Variants in NPNT observed in about 807,000 individuals in gnomAD.
The protein encoded by NPNT is nephronectin, also known as preosteoblast EGF-like repeat protein with MAM domain.
In NPNT, 45 loss-of-function variants were observed where a neutral mutation model predicts 68.6. That is an observed-to-expected ratio of 0.66 (90% CI 0.52 to 0.84). The LOEUF is 0.84. Ranked by LOEUF, NPNT falls within the 40% of genes least tolerant of loss-of-function variation. The pLI, the probability that NPNT is intolerant of heterozygous loss-of-function variation, is 0.00. For synonymous variants in NPNT, 233 were observed against 253.3 expected (o/e 0.92, Z 0.76); for missense variants, 672 against 714.8 (o/e 0.94, Z 0.68).
chr4:105,931,164 G>GA (rs975295248), intron 3 of NPNT, among the ~76,000 whole-genome samples: 1 of 151,316 alleles, frequency 6.6e-6, no homozygotes, highest in African/African-American at 2.4e-5. Context: ...CCCCCAGCCA[G>GA]AAAAAAAATA....
intron 11 of NPNT, 73 bp downstream of exon 11, chr4:105,967,517 G>GAAGAAGCCTTGCTGTGTGAATTC: frequency 7.0e-7 from 1 of 1,427,994 alleles, no homozygotes; most frequent in Non-Finnish European, 9.4e-7. Flanking sequence ...ATCTGAATTT[G>GAAGAAGCCTTGCTGTGTGAATTC]AAGAAGCCTT....
At chr4:105,912,124 C>A in intron 2 of NPNT, 1 of 1,146,188 alleles carries the variant, frequency 8.7e-7, no homozygotes. Flanking sequence ...TGATAAATAC[C>A]CAAGTCCAGC....
chr4:105,940,565 G>A lies in NPNT; in HGVS notation c.692G>A (p.Cys231Tyr), dbSNP rs1729863407. The part of the protein sequence containing the change: ...GQYQCSSFAR[C>Y]YNIRGSYKCK... The stretch of plus-strand genomic sequence containing the variant: ...TATCAGTGCAGCAGCTTTGCTCGAT[G>A]TTATAACATACGTGGGTCCTACAAG... The change falls in exon 7 of 12, where the codon TGT becomes TAT. Residue 231 changes from cysteine to tyrosine, a missense_variant. Physicochemically the swap from Cys to Tyr is radical, Grantham distance 194. Transcript: ENST00000379987. The A allele has an allele frequency of 6.2e-7, 1 of 1,612,950 alleles. No individual in the cohort carries two copies. Among genetic ancestry groups the A allele is most frequent in the Non-Finnish European group, 8.5e-7 (1 of 1,179,174 alleles).
intron 8 of NPNT, among the ~76,000 whole-genome samples, chr4:105,953,774 A>T (rs1185012013): frequency 6.6e-6 from 1 of 152,252 alleles, no homozygotes; most frequent in Non-Finnish European, 1.5e-5. Flanking sequence ...ACTCCTAAGC[A>T]TAGAAGTAAT....
chr4:105,905,860 G>A (rs1004644371), intron 2 of NPNT, among the ~76,000 whole-genome samples: 18 of 152,176 alleles, frequency 1.2e-4, no homozygotes, highest in African/African-American at 3.9e-4. Flanking sequence ...AATCTGTAAT[G>A]TAAAGGAGAG....
chr4:105,914,406 A>G (rs1190717119), intron 2 of NPNT, among the ~76,000 whole-genome samples: 2 of 138,508 alleles, frequency 1.4e-5, no homozygotes, highest in East Asian at 2.0e-4. Context: ...AATATAATAT[A>G]TATTATATAT....
rs139317707 is a variant in NPNT, at chr4:105,942,459, A to G, written c.916A>G (p.Ile306Val). Reference sequence around the variant, plus strand: ...GAAGACACCATATATTCCTCCTATCATTACCAACAGGCCTACTTCTAAGCC... The same window carrying G: ...GAAGACACCATATATTCCTCCTATCGTTACCAACAGGCCTACTTCTAAGCC... ...PPKTPYIPPI[I>V]TNRPTSKPTT... The change falls in exon 8 of 12, where the codon ATT (isoleucine) becomes GTT (valine). Residue 306 changes from isoleucine to valine, a missense_variant. Coordinates refer to ENST00000379987, the MANE Select transcript of NPNT (RefSeq NM_001033047.3). 1.9e-4 allele frequency: 308 copies of G among 1,613,982 alleles called. No homozygotes were observed. The African/African-American group carries it at 3.5e-3, about 18-fold the overall frequency.
At chr4:105,929,077 C>T (rs1728911778) in intron 3 of NPNT, among the ~76,000 whole-genome samples, 1 of 151,978 alleles carries the variant, frequency 6.6e-6, no homozygotes, top group African/African-American at 2.4e-5. Context: ...GTTTCAAGCC[C>T]TGCATGCATT....
chr4:105,933,567 C>T (rs992087936), intron 3 of NPNT, among the ~76,000 whole-genome samples: 2 of 152,122 alleles, frequency 1.3e-5, no homozygotes, highest in African/African-American at 4.8e-5. Flanking sequence ...TGGTAGTTGA[C>T]ATATTGACAT....
chr4:105,937,183 C>T, intron 4 of NPNT, 55 bp downstream of exon 4: 11 of 1,583,244 alleles, frequency 6.9e-6, no homozygotes, highest in Non-Finnish European at 9.5e-6. Context: ...TTCTGTTGTG[C>T]TCTGAGAGCT....
chr4:105,964,805 AC>A (rs1731992196), intron 10 of NPNT, among the ~76,000 whole-genome samples: 1 of 152,204 alleles, frequency 6.6e-6, no homozygotes, highest in Admixed American at 6.5e-5. Flanking sequence ...TTTTATCTTA[AC>A]ATGCAAATTT....
At chr4:105,897,463 T>C (rs1725953455) in intron 1 of NPNT, among the ~76,000 whole-genome samples, 1 of 152,248 alleles carries the variant, frequency 6.6e-6, no homozygotes, top group African/African-American at 2.4e-5. Flanking sequence ...AGAAATTTTT[T>C]CTGCTTTGAC....
At chr4:105,911,874 A>G (rs1727393714) in intron 2 of NPNT, 1 of 266,060 alleles carries the variant, frequency 3.8e-6, no homozygotes, top group African/African-American at 2.3e-5. Context: ...ATATTCTGGA[A>G]ATGAAAAATT....
intron 2 of NPNT, chr4:105,911,888 T>C (rs1578591962): frequency 3.6e-6 from 1 of 281,472 alleles, no homozygotes; most frequent in East Asian, 9.2e-5. Flanking sequence ...AAAAATTGGA[T>C]TTGAAAATAC....
chr4:105,906,447 C>A (rs566080693), intron 2 of NPNT, among the ~76,000 whole-genome samples: 5 of 152,104 alleles, frequency 3.3e-5, no homozygotes, highest in Admixed American at 3.3e-4. Flanking sequence ...GTACAGTTCA[C>A]GGAAAGCTGT....
intron 2 of NPNT, among the ~76,000 whole-genome samples, chr4:105,923,278 G>A (rs1177409967): frequency 6.6e-6 from 1 of 151,890 alleles, no homozygotes; most frequent in African/African-American, 2.4e-5. Context: ...AAATGGTTAT[G>A]CACTTTCTAA....
intron 2 of NPNT, among the ~76,000 whole-genome samples, chr4:105,917,160 G>A (rs1002469815): frequency 5.3e-5 from 8 of 152,172 alleles, no homozygotes; most frequent in Non-Finnish European, 7.3e-5. Flanking sequence ...GCCTTTTCAG[G>A]CTGACATTGC....
intron 2 of NPNT, among the ~76,000 whole-genome samples, chr4:105,913,241 A>G (rs950169623): frequency 6.6e-6 from 1 of 152,190 alleles, no homozygotes; most frequent in Non-Finnish European, 1.5e-5. Context: ...AATTTTAATA[A>G]AAAAAATATT....
chr4:105,918,983 C>T (rs1728032288), intron 2 of NPNT, among the ~76,000 whole-genome samples: 1 of 152,072 alleles, frequency 6.6e-6, no homozygotes, highest in Admixed American at 6.6e-5. Flanking sequence ...GTATAGGTTG[C>T]ACATTTCCCG....
Sources: gnomAD v4.1 joint callset for allele counts (sites outside exome capture counted in the v4.1 genomes callset) on GRCh38, gnomAD v4.1.1 for gene constraint, MANE v1.5 for transcripts, NCBI Gene and HGNC (gene_info 2026-07-23, HGNC 2026-07-21) for gene names.